The following SGSM1 variants were observed in gnomAD, a reference collection of about 807,000 sequenced individuals.
SGSM1 encodes the protein RUN and TBC1 domain containing 2.
SGSM1 carries 73 observed loss-of-function variants against 133.8 expected under a neutral mutation model. The ratio of observed to expected loss-of-function variants is 0.55; its 90% CI spans 0.45 to 0.66. SGSM1 has a LOEUF of 0.66. SGSM1 is among the 30% of genes least tolerant of loss of function. The pLI is 0.00. For synonymous variants in SGSM1, 563 were observed against 573.0 expected (o/e 0.98, Z 0.25); for missense variants, 1,213 against 1,448.1 (o/e 0.84, Z 2.64).
intron 2 of SGSM1, among the ~76,000 whole-genome samples, chr22:24,806,863 T>G (rs1197514174): frequency 6.6e-6 from 1 of 151,798 alleles, no homozygotes; most frequent in East Asian, 1.9e-4. Flanking sequence ...CCACAGGGTG[T>G]GCTGGAGGAG....
chr22:24,866,328 CTG>C (rs1164970390), intron 9 of SGSM1, among the ~76,000 whole-genome samples: 1 of 152,306 alleles, frequency 6.6e-6, no homozygotes, highest in East Asian at 1.9e-4. Context: ...GATGAGGAAA[CTG>C]AGGCTCAGAG....
chr22:24,835,292 G>A (rs1796155384), intron 2 of SGSM1, among the ~76,000 whole-genome samples: 1 of 152,092 alleles, frequency 6.6e-6, no homozygotes, highest in Non-Finnish European at 1.5e-5. Flanking sequence ...CAAGCCCTAT[G>A]CTAAATGCTT....
At chr22:24,871,733 T>C (rs73393704) in intron 12 of SGSM1, among the ~76,000 whole-genome samples, 1,741 of 152,306 alleles carry the variant, frequency 0.011, 28 homozygotes, top group African/African-American at 0.039. Context: ...TCGTTTTGAC[T>C]GGCAGGGAGA....
Position 24,806,425 on chromosome 22 carries a change from G to A in SGSM1, c.20-16G>A. 6.6e-7 allele frequency: 1 copy of A among 1,522,790 alleles called. No individual in the cohort carries two copies. Among genetic ancestry groups the A allele is most frequent in the South Asian group, 1.2e-5 (1 of 81,790 alleles). The allele number at this position is 1,522,790 out of a possible 1,614,324, so 94.3% of individuals were successfully genotyped here. A position where few individuals can be genotyped will look rare whatever the true frequency, so the allele number is the denominator to read the frequency against. ...CTCTCTCGGCTGACCCGCGGCTCTC[G>A]TTTCTTGTCCCACAGAGGCGGAGAC... On this transcript the variant is annotated splice_polypyrimidine_tract_variant and intron_variant, in intron 1 of 24. Transcript: ENST00000400358.
At chr22:24,905,261 C>A in intron 21 of SGSM1, 74 bp downstream of exon 21, 1 of 1,395,352 alleles carries the variant, frequency 7.2e-7, no homozygotes, top group Non-Finnish European at 1.0e-6. Context: ...CTTAATCTCA[C>A]TTTGTGACTC....
intron 2 of SGSM1, among the ~76,000 whole-genome samples, chr22:24,831,640 A>G (rs1313533186): frequency 6.6e-6 from 1 of 152,120 alleles, no homozygotes; most frequent in African/African-American, 2.4e-5. Flanking sequence ...CTTGGTTCCC[A>G]TGGCCCCTGT....
At chr22:24,847,844 C>G in intron 4 of SGSM1, 48 bp downstream of exon 4, 2 of 1,592,962 alleles carry the variant, frequency 1.3e-6, no homozygotes, top group Non-Finnish European at 1.7e-6. Flanking sequence ...CCCCAATAGT[C>G]CACAGTCCTC....
rs547948968 is a variant in SGSM1 at position 24,825,871 on chromosome 22, C to T, written c.64-19026C>T. Among the ~76,000 whole-genome samples, 96 of 152,276 alleles carry T rather than the reference C, an allele frequency of 6.3e-4. No homozygotes were observed. The South Asian group carries it at 0.019, about 30-fold the overall frequency. On this transcript the variant is annotated intron_variant, in intron 2 of 24. Coordinates refer to ENST00000400358, the MANE Select transcript of SGSM1 (RefSeq NM_001098497.3). ...TGCTAGCTCAGTGGTCCTCACCCCA[C>T]CTGCATGGTACTTACTCCATCTCAA...
intron 2 of SGSM1, among the ~76,000 whole-genome samples, chr22:24,819,131 G>A (rs1175550163): frequency 1.4e-5 from 2 of 137,956 alleles, no homozygotes; most frequent in African/African-American, 5.5e-5. Flanking sequence ...GGGCGACAGA[G>A]CAAGACTCTG....
At position 24,855,638 on chromosome 22, in the gene SGSM1, T is replaced by A. The variant is rs538306793; in HGVS notation, c.759T>A (p.Arg253=). Residue 253 remains arginine, a synonymous_variant, in exon 8 of 25, where the codon CGT becomes CGA. Transcript: ENST00000400358. ...DYVESLHQNS[R]ATLLYGKNNV... Reference sequence around the variant, plus strand: ...TGGAGTCCCTGCATCAGAACTCCCGTGCCACCCTTCTCTATGGCAAAAACA... The same window carrying A: ...TGGAGTCCCTGCATCAGAACTCCCGAGCCACCCTTCTCTATGGCAAAAACA... The A allele has an allele frequency of 1.2e-6, 2 of 1,613,996 alleles. No individual in the cohort carries two copies. The highest frequency in any genetic ancestry group is 1.1e-5 in the South Asian group (1 of 91,080).
At chr22:24,874,313 G>A (rs1311596543) in intron 12 of SGSM1, 1 of 1,225,664 alleles carries the variant, frequency 8.2e-7, no homozygotes, top group African/African-American at 1.5e-5. Context: ...GCCGGGAAGG[G>A]GGAGGGTTGG....
At position 24,927,283 on chromosome 22, in the gene SGSM1, G is replaced by A. The variant is rs1020459405; in HGVS notation, c.*3009G>A. The A allele has an allele frequency of 1.3e-5, 2 of 152,182 alleles. No homozygotes were observed. Among genetic ancestry groups the A allele is most frequent in the East Asian group, 3.8e-4 (2 of 5,196 alleles). The allele number at this position is 152,182 out of a possible 1,614,324, so 9.4% of individuals were successfully genotyped here. ...TGCATCCTCCAGCAGGCTAGCTTAGGCTTGTTTACATGGCTATGATAGCAG... is the reference window on the plus strand; with the variant it reads ...TGCATCCTCCAGCAGGCTAGCTTAGACTTGTTTACATGGCTATGATAGCAG... On this transcript the variant is annotated 3_prime_UTR_variant, in exon 25 of 25. Coordinates refer to ENST00000400358, the MANE Select transcript of SGSM1 (RefSeq NM_001098497.3).
chr22:24,826,526 A>G (rs994413232), intron 2 of SGSM1, among the ~76,000 whole-genome samples: 3 of 152,178 alleles, frequency 2.0e-5, no homozygotes, highest in African/African-American at 7.2e-5. Context: ...TATCGTCAGC[A>G]TTTACCGAGC....
intron 2 of SGSM1, among the ~76,000 whole-genome samples, chr22:24,817,142 C>T (rs748680180): frequency 1.3e-5 from 2 of 152,124 alleles, no homozygotes; most frequent in Non-Finnish European, 2.9e-5. Context: ...GGGCTGAGGG[C>T]GCCTGCATTT....
chr22:24,899,801 G>A (rs749643289), intron 19 of SGSM1, among the ~76,000 whole-genome samples: 5 of 152,130 alleles, frequency 3.3e-5, no homozygotes, highest in East Asian at 1.9e-4. Context: ...GATTACAGGC[G>A]TGAGCCTCCA....
At chr22:24,921,901 A>G (rs769503390) in intron 24 of SGSM1, among the ~76,000 whole-genome samples, 17 of 152,096 alleles carry the variant, frequency 1.1e-4, no homozygotes, top group Non-Finnish European at 1.8e-4. Context: ...GGGTTTCTCC[A>G]TGTTGGTCAG....
Position 24,845,967 on chromosome 22 carries a change from T to TTCTC in SGSM1, c.139+998_139+999insCTCT, listed in dbSNP as rs904817045. Among the ~76,000 whole-genome samples the TTCTC allele has an allele frequency of 1.6e-3, 233 of 144,748 alleles. 4 individuals carry two copies. Among genetic ancestry groups the TTCTC allele is most frequent in the African/African-American group, 5.7e-3 (222 of 38,984 alleles). The allele number at this position is 144,748 out of a possible 152,430, so 95.0% of individuals were successfully genotyped here. A position where few individuals can be genotyped will look rare whatever the true frequency, so the allele number is the denominator to read the frequency against. On this transcript the variant is annotated intron_variant, in intron 3 of 24. Coordinates refer to ENST00000400358, the MANE Select transcript of SGSM1 (RefSeq NM_001098497.3). ...TTTCTTTCTTTCTTTCTTTCTTTCT[T>TTCTC]TCTTTCTTTCTTTCTTTCTTTCTTT...
intron 9 of SGSM1, among the ~76,000 whole-genome samples, chr22:24,861,768 G>A (rs377040783): frequency 3.3e-5 from 5 of 151,134 alleles, no homozygotes; most frequent in Admixed American, 2.0e-4. Context: ...GGCTGGTCTC[G>A]ACTCCTGACC....
chr22:24,852,835 T>C (rs1930561277), intron 5 of SGSM1, among the ~76,000 whole-genome samples: 1 of 152,030 alleles, frequency 6.6e-6, no homozygotes, highest in Non-Finnish European at 1.5e-5. Context: ...TTTTAGAAAC[T>C]GGGTGATGGC....
Sources: allele counts gnomAD v4.1 joint callset (sites outside exome capture counted in the v4.1 genomes callset), GRCh38; gene constraint gnomAD v4.1.1; transcripts MANE v1.5; gene names NCBI Gene and HGNC (gene_info 2026-07-23, HGNC 2026-07-21).